DHX36: variants seen among roughly 807,000 people sequenced by gnomAD.
DHX36 encodes the protein DEAH-box helicase 36.
A neutral mutation model predicts 139.0 loss-of-function variants in DHX36; 50 were observed. The observed-to-expected ratio is 0.36, with a 90% CI of 0.29 to 0.46. The LOEUF is 0.46. DHX36 is among the 20% of genes least tolerant of loss of function. The pLI is 1.00. For synonymous variants in DHX36, 425 were observed against 401.9 expected (o/e 1.06, Z -0.69); for missense variants, 1,024 against 1,211.3 (o/e 0.85, Z 2.29).
In DHX36 at chr3:154,292,439, AAAT is replaced by A. The variant is rs1440563165; in HGVS notation, c.1814+109_1814+111del. The A allele has an allele frequency of 4.8e-6, 7 of 1,449,494 alleles. No individual in the cohort carries two copies. The Admixed American group carries it at 1.3e-4, about 26-fold the overall frequency. 89.8% of individuals were successfully genotyped at this position (1,449,494 alleles called of 1,614,324 possible). On this transcript the variant is annotated intron_variant, in intron 15 of 24. Coordinates refer to ENST00000496811, the MANE Select transcript of DHX36 (RefSeq NM_020865.3). ...TTAAAAATGTTTTGCAATAAGCTCAAAATAATAAGAAAGGTAACTCTTTTAATA... is the reference window on the plus strand; with the variant it reads ...TTAAAAATGTTTTGCAATAAGCTCAAAATAAGAAAGGTAACTCTTTTAATA...
rs775068749 is a variant in DHX36, at chr3:154,300,646, A to G, written c.1409T>C (p.Val470Ala). 4.0e-5 allele frequency: 65 copies of G among 1,613,934 alleles called. No individual in the cohort carries two copies. Among genetic ancestry groups the G allele is most frequent in the Non-Finnish European group, 5.4e-5 (64 of 1,179,924 alleles). Residue 470 changes from valine (V) to alanine (A), a missense_variant, in exon 11 of 25, where the codon GTT (valine) becomes GCT (alanine). Val to Ala is a moderately conservative substitution (Grantham distance 64, BLOSUM62 0). Around this residue, in one of 4 missense-constraint regions of DHX36, gnomAD observed 115 missense variants for 105.6 expected, o/e 1.09. Coordinates refer to ENST00000496811, the MANE Select transcript of DHX36 (RefSeq NM_020865.3). ...GAGGGCAACAATCAAATTCAGATCA[A>G]CTTTATCATCCTCCATCATTTCTAT... ...DVIEMMEDDK[V>A]DLNLIVALIR...
Position 154,315,509 on chromosome 3 carries a change from G to A in DHX36, c.369-229C>T, listed in dbSNP as rs1196536801. On this transcript the variant is annotated intron_variant, in intron 2 of 24. Transcript: ENST00000496811. Reference sequence around the variant, plus strand: ...CCAGATTAAGTTATTCCTTGTGATAGTTAAAAATAAAAATCCACAGAATAG... The same window carrying A: ...CCAGATTAAGTTATTCCTTGTGATAATTAAAAATAAAAATCCACAGAATAG... Among the ~76,000 whole-genome samples, 5 of 152,024 alleles carry A rather than the reference G, an allele frequency of 3.3e-5. No individual in the cohort carries two copies. The South Asian group carries it at 1.0e-3, about 32-fold the overall frequency.
At chr3:154,322,421 G>A (rs1223606100) in intron 1 of DHX36, among the ~76,000 whole-genome samples, 1 of 152,232 alleles carries the variant, frequency 6.6e-6, no homozygotes, top group Non-Finnish European at 1.5e-5. Context: ...GAAGCTAGAT[G>A]ACTAGTTAGA....
intron 17 of DHX36, among the ~76,000 whole-genome samples, chr3:154,287,048 G>A (rs1283860419): frequency 6.6e-6 from 1 of 152,092 alleles, no homozygotes; most frequent in Non-Finnish European, 1.5e-5. Flanking sequence ...ACCAGCTCAG[G>A]AGAGAAATAC....
At chr3:154,283,310 G>T (rs762992065) in intron 19 of DHX36, 39 bp from the exon 20 acceptor site, 3 of 1,389,906 alleles carry the variant, frequency 2.2e-6, no homozygotes, top group Admixed American at 3.4e-5. Context: ...TATTTCTCCC[G>T]CAAACAAAGA....
rs531959128 is a variant in DHX36 at position 154,318,750 on chromosome 3, G to A, written c.244-2587C>T. 1.7e-4 allele frequency among the ~76,000 whole-genome samples: 26 copies of A among 152,308 alleles called. No individual in the cohort carries two copies. The South Asian group carries it at 5.4e-3, about 32-fold the overall frequency. ...TGGTTAACAGTGGGTAGATCTTTCTGCAAGTATATAAACAGGAAAGATGAC... is the reference window on the plus strand; with the variant it reads ...TGGTTAACAGTGGGTAGATCTTTCTACAAGTATATAAACAGGAAAGATGAC... On this transcript the variant is annotated intron_variant, in intron 1 of 24. Transcript: ENST00000496811.
At position 154,273,577 on chromosome 3, in the gene DHX36, A is replaced by G. The variant is rs1398890347; in HGVS notation, c.*2594T>C. The G allele has an allele frequency of 6.6e-6, 1 of 152,252 alleles. No individual in the cohort carries two copies. Among genetic ancestry groups the G allele is most frequent in the Admixed American group, 6.5e-5 (1 of 15,284 alleles). The allele number at this position is 152,252 out of a possible 1,614,324, so 9.4% of individuals were successfully genotyped here. A position where few individuals can be genotyped will look rare whatever the true frequency, so the allele number is the denominator to read the frequency against. ...AAGACCAGATGGTCACCTCGACGTT[A>G]GAGGCAAAACCAGTATGCTCTAATA... On this transcript the variant is annotated 3_prime_UTR_variant, in exon 25 of 25. Coordinates refer to ENST00000496811, the MANE Select transcript of DHX36 (RefSeq NM_020865.3).
rs775038845 is a variant in DHX36, at chr3:154,324,450, A to G, written c.-34T>C. 2.0e-5 allele frequency: 29 copies of G among 1,451,024 alleles called. No homozygotes were observed. Among genetic ancestry groups the G allele is most frequent in the Non-Finnish European group, 2.5e-5 (28 of 1,104,920 alleles). The allele number at this position is 1,451,024 out of a possible 1,614,324, so 89.9% of individuals were successfully genotyped here. A position where few individuals can be genotyped will look rare whatever the true frequency, so the allele number is the denominator to read the frequency against. On this transcript the variant is annotated 5_prime_UTR_variant, in exon 1 of 25. Coordinates refer to ENST00000496811, the MANE Select transcript of DHX36 (RefSeq NM_020865.3). ...CAGACTACAACCCGTCAGAACCAGC[A>G]ACCGCTGGAAATGGCGTCCGGGCCC...
rs752969940 is a variant in DHX36 at position 154,309,686 on chromosome 3, A to G, written c.780T>C (p.Val260=). ...ERGKGSACRI[V]CTQPRRISAI... is the part of the protein sequence containing the mutation. ...CACTAATTCTTCTTGGCTGAGTACA[A>G]ACTATTCTGCAAGCAGATCCTTTTC... Residue 260 remains valine (V), a synonymous_variant, in exon 5 of 25, where the codon GTT becomes GTC. Coordinates refer to ENST00000496811, the MANE Select transcript of DHX36 (RefSeq NM_020865.3). 3.1e-6 allele frequency: 5 copies of G among 1,611,374 alleles called. No homozygotes were observed. The East Asian group carries it at 6.7e-5, about 22-fold the overall frequency.
At chr3:154,318,331 G>A (rs951381243) in intron 1 of DHX36, among the ~76,000 whole-genome samples, 1 of 151,980 alleles carries the variant, frequency 6.6e-6, no homozygotes, top group African/African-American at 2.4e-5. Context: ...GTTTTTTGAT[G>A]TATCTGTTTA....
chr3:154,281,068 T>C (rs1216736936), intron 20 of DHX36, among the ~76,000 whole-genome samples: 3 of 152,184 alleles, frequency 2.0e-5, no homozygotes, highest in Non-Finnish European at 4.4e-5. Context: ...CCCATTCATC[T>C]ACATTTGGTT....
intron 1 of DHX36, among the ~76,000 whole-genome samples, chr3:154,317,586 G>C (rs1192839569): frequency 1.3e-5 from 2 of 152,022 alleles, no homozygotes; most frequent in African/African-American, 4.8e-5. Context: ...CCTATGAAGT[G>C]AAGAAAGGTG....
chr3:154,311,568 T>C (rs547831903), intron 4 of DHX36, 68 bp downstream of exon 4: 72 of 1,333,678 alleles, frequency 5.4e-5, no homozygotes, highest in East Asian at 1.4e-4. Flanking sequence ...TTTCTTGATA[T>C]AGAGCTTTAA....
chr3:154,293,836 T>C (rs992010486), intron 13 of DHX36, 24 bp from the exon 14 acceptor site: 2 of 1,552,056 alleles, frequency 1.3e-6, no homozygotes, highest in African/African-American at 1.4e-5. Flanking sequence ...TACATCAGAA[T>C]CACAAAAGTA....
rs868095599 is a variant in DHX36, at chr3:154,297,452, C to T, written c.1550-2113G>A. ...TTTTGGCTGGGTGCAGTGGCTCACG[C>T]CCGCAATCCCAGCACTTTGAGAGGC... On this transcript the variant is annotated intron_variant, in intron 12 of 24. Transcript: ENST00000496811. 3.3e-5 allele frequency among the ~76,000 whole-genome samples: 5 copies of T among 152,280 alleles called. No individual in the cohort carries two copies. In the South Asian group the frequency reaches 8.3e-4, roughly 25 times the overall value.
intron 15 of DHX36, among the ~76,000 whole-genome samples, chr3:154,291,569 G>A (rs1300786010): frequency 6.6e-6 from 1 of 152,152 alleles, no homozygotes; most frequent in Non-Finnish European, 1.5e-5. Context: ...TGGTTCAATA[G>A]CATCAACTAT....
chr3:154,311,728 A>C, intron 3 of DHX36, 54 bp from the exon 4 acceptor site: 2 of 1,433,586 alleles, frequency 1.4e-6, no homozygotes, highest in Non-Finnish European at 9.6e-7. Context: ...ATCAAATTAT[A>C]ATCATGGTAT....
rs1254716302 is a variant in DHX36, at chr3:154,274,062, T to C, written c.*2109A>G. 1.3e-5 allele frequency: 2 copies of C among 152,512 alleles called. No individual in the cohort carries two copies. Among genetic ancestry groups the C allele is most frequent in the African/African-American group, 4.8e-5 (2 of 41,440 alleles). The allele number at this position is 152,512 out of a possible 1,614,324, so 9.4% of individuals were successfully genotyped here. A position where few individuals can be genotyped will look rare whatever the true frequency, so the allele number is the denominator to read the frequency against. ...TGGCTCATACCTGTAATGTCAGCAC[T>C]TTGGGAAGCCAAGGCGGGCAGACTG... On this transcript the variant is annotated 3_prime_UTR_variant, in exon 25 of 25. Transcript: ENST00000496811.
chr3:154,275,999 TA>T lies in DHX36; in HGVS notation c.*171del. ...TATGGTATATATATATATATATATA[TA>T]TCTCTACATATAACATCAAGTCATG... is the stretch of plus-strand genomic sequence containing the variant. On this transcript the variant is annotated 3_prime_UTR_variant, in exon 25 of 25. Transcript: ENST00000496811. 1 of 434,738 alleles carries T rather than the reference TA, an allele frequency of 2.3e-6. No homozygotes were observed. Among genetic ancestry groups the T allele is most frequent in the Non-Finnish European group, 4.0e-6 (1 of 249,514 alleles). The allele number at this position is 434,738 out of a possible 1,614,324, so 26.9% of individuals were successfully genotyped here.
Sources: gnomAD v4.1 joint callset for allele counts (sites outside exome capture counted in the v4.1 genomes callset) on GRCh38, gnomAD v4.1.1 for gene constraint, gnomAD v4.1.1 regional missense constraint, MANE v1.5 for transcripts, NCBI Gene and HGNC (gene_info 2026-07-23, HGNC 2026-07-21) for gene names.